GABBR2: variants seen among roughly 807,000 people sequenced by gnomAD.
The protein encoded by GABBR2 is G-protein coupled receptor 51.
A neutral mutation model predicts 105.6 loss-of-function variants in GABBR2; 23 were observed. The observed-to-expected ratio is 0.22, with a 90% CI of 0.16 to 0.31. The LOEUF (loss-of-function observed/expected upper bound fraction) is 0.31, where lower values mean the gene tolerates loss of function less well. Among genes scored for constraint, GABBR2 ranks in the 10% least tolerant of loss-of-function variants. The probability of loss-of-function intolerance (pLI) is 1.00; values close to 1 mark genes in which losing one functional copy is unlikely to be tolerated. For synonymous variants in GABBR2, 478 were observed against 499.7 expected, an observed-to-expected ratio of 0.96 and a Z score of 0.58; for missense variants, 734 against 1,245.5, an observed-to-expected ratio of 0.59 and a Z score of 6.18.
Position 98,388,445 on chromosome 9 carries a change from TA to T in GABBR2, c.1529+408del, listed in dbSNP as rs1832115565. On this transcript the variant is annotated intron_variant, in intron 10 of 18. Transcript: ENST00000259455. This position sits in a 1 kb window ranked among gnomAD's most constrained non-coding sequence, Gnocchi z 4.4. Reference sequence around the variant, plus strand: ...GGTGATTCCCAGCGATGCTAGGGGATAGGGGCAAAGAAGTTTGGGGTATTCT... The same window carrying T: ...GGTGATTCCCAGCGATGCTAGGGGATGGGGCAAAGAAGTTTGGGGTATTCT... 6.6e-6 allele frequency among the ~76,000 whole-genome samples: 1 copy of T among 152,152 alleles called. No homozygotes were observed. Among genetic ancestry groups the T allele is most frequent in the Admixed American group, 6.5e-5 (1 of 15,270 alleles).
chr9:98,501,412 G>A (rs936000711), intron 3 of GABBR2, among the ~76,000 whole-genome samples: 3 of 152,286 alleles, frequency 2.0e-5, no homozygotes, highest in Non-Finnish European at 4.4e-5. Context: ...TGATCCACCC[G>A]CTTTGGCCTC....
At chr9:98,320,163 C>T (rs1236614565) in intron 13 of GABBR2, among the ~76,000 whole-genome samples, 8 of 151,722 alleles carry the variant, frequency 5.3e-5, no homozygotes, top group Non-Finnish European at 7.4e-5. Flanking sequence ...AAAAAGTGGG[C>T]GAAGGACATG....
intron 1 of GABBR2, among the ~76,000 whole-genome samples, chr9:98,582,049 G>C (rs1253210473): frequency 6.6e-6 from 1 of 152,176 alleles, no homozygotes; most frequent in Non-Finnish European, 1.5e-5. Context: ...TCACCAGAGT[G>C]GGTGTGGCGG....
chr9:98,706,432 G>A (rs1472104204), intron 1 of GABBR2, among the ~76,000 whole-genome samples: 2 of 152,186 alleles, frequency 1.3e-5, no homozygotes, highest in African/African-American at 2.4e-5. Flanking sequence ...CTGTTTGCAC[G>A]AAGCTAAAAT....
chr9:98,627,772 C>G (rs1392849117), intron 1 of GABBR2, among the ~76,000 whole-genome samples: 1 of 152,222 alleles, frequency 6.6e-6, no homozygotes, highest in Admixed American at 6.5e-5. Flanking sequence ...TGACAAAAGG[C>G]AGAAACCAAA....
intron 11 of GABBR2, chr9:98,375,032 C>T (rs984485971): frequency 6.6e-6 from 1 of 152,116 alleles, no homozygotes; most frequent in Non-Finnish European, 1.5e-5. Context: ...ACAGTGAGTC[C>T]CCATATTAAG....
chr9:98,627,702 C>T (rs934752455), intron 1 of GABBR2, among the ~76,000 whole-genome samples: 1 of 152,216 alleles, frequency 6.6e-6, no homozygotes, highest in African/African-American at 2.4e-5. Flanking sequence ...GCTGGCTGAT[C>T]TGTGAAGCCC....
At chr9:98,519,726 T>TG (rs1381469405) in intron 3 of GABBR2, among the ~76,000 whole-genome samples, 2 of 151,620 alleles carry the variant, frequency 1.3e-5, no homozygotes, top group Non-Finnish European at 2.9e-5. Flanking sequence ...TTTTTTTTTT[T>TG]TGGTAAAGGG....
At chr9:98,501,153 C>CCCCCT (rs1564094521) in intron 3 of GABBR2, among the ~76,000 whole-genome samples, 1 of 125,734 alleles carries the variant, frequency 8.0e-6, no homozygotes, top group Non-Finnish European at 1.7e-5. Context: ...CCCCCTGCTC[C>CCCCCT]TTTTTTTTTT....
At chr9:98,444,070 C>T (rs1030635606) in intron 7 of GABBR2, among the ~76,000 whole-genome samples, 1 of 152,188 alleles carries the variant, frequency 6.6e-6, no homozygotes, top group Non-Finnish European at 1.5e-5. Flanking sequence ...CCTGAAGGAT[C>T]CTGAGTAAAT....
intron 3 of GABBR2, among the ~76,000 whole-genome samples, chr9:98,498,990 A>G (rs1827343957): frequency 6.6e-6 from 1 of 152,274 alleles, no homozygotes; most frequent in Non-Finnish European, 1.5e-5. Context: ...CATGGCACCC[A>G]CATTCCAAGA....
chr9:98,515,231 A>G (rs1394123660), intron 3 of GABBR2, among the ~76,000 whole-genome samples: 1 of 152,164 alleles, frequency 6.6e-6, no homozygotes, highest in Non-Finnish European at 1.5e-5. Flanking sequence ...CTCAAACCTG[A>G]GAAGTTGCAA....
At chr9:98,646,099 A>G (rs1266181212) in intron 1 of GABBR2, among the ~76,000 whole-genome samples, 1 of 151,728 alleles carries the variant, frequency 6.6e-6, no homozygotes, top group Non-Finnish European at 1.5e-5. Context: ...GTGTCCCTAG[A>G]AAGATCTGCT....
At chr9:98,663,997 G>A (rs867380939) in intron 1 of GABBR2, among the ~76,000 whole-genome samples, 9 of 152,062 alleles carry the variant, frequency 5.9e-5, no homozygotes, top group African/African-American at 1.9e-4. Flanking sequence ...AAGGCATCCC[G>A]GCCCAGGTCC....
chr9:98,417,741 G>A (rs1832713679), intron 7 of GABBR2, among the ~76,000 whole-genome samples: 1 of 151,648 alleles, frequency 6.6e-6, no homozygotes, highest in Non-Finnish European at 1.5e-5. Context: ...ATTTTTTTGT[G>A]TAAGACTATT....
At chr9:98,440,622 G>A (rs578038775) in intron 7 of GABBR2, among the ~76,000 whole-genome samples, 2 of 152,192 alleles carry the variant, frequency 1.3e-5, no homozygotes, top group African/African-American at 2.4e-5. Flanking sequence ...AAAGAAGAAG[G>A]AGGTGGCAGT....
At chr9:98,468,664 C>T (rs1335249288) in intron 6 of GABBR2, among the ~76,000 whole-genome samples, 2 of 152,148 alleles carry the variant, frequency 1.3e-5, no homozygotes, top group Non-Finnish European at 2.9e-5. Flanking sequence ...TAACTCCACA[C>T]CATAGTTACA....
intron 2 of GABBR2, among the ~76,000 whole-genome samples, chr9:98,547,671 A>T (rs1202809172): frequency 8.2e-6 from 1 of 121,770 alleles, no homozygotes; most frequent in African/African-American, 2.6e-5. Flanking sequence ...TGTAGGACAT[A>T]AGTATTCTCA....
At chr9:98,393,679 G>A (rs1395522253) in intron 9 of GABBR2, among the ~76,000 whole-genome samples, 3 of 152,262 alleles carry the variant, frequency 2.0e-5, no homozygotes, top group African/African-American at 7.2e-5. Flanking sequence ...AAGAGAGGCA[G>A]AGAAGAAAGA....
Sources: allele counts gnomAD v4.1 joint callset (sites outside exome capture counted in the v4.1 genomes callset), GRCh38; gene constraint gnomAD v4.1.1; non-coding constraint Gnocchi (gnomAD v3.1); transcripts MANE v1.5; gene names NCBI Gene and HGNC (gene_info 2026-07-23, HGNC 2026-07-21).